ARHGAP18: variants seen among roughly 807,000 people sequenced by gnomAD.
ARHGAP18 encodes rho GTPase-activating protein 18.
A neutral mutation model predicts 86.2 loss-of-function variants in ARHGAP18; 67 were observed. The ratio of observed to expected loss-of-function variants is 0.78; its 90% CI spans 0.64 to 0.95. The LOEUF (loss-of-function observed/expected upper bound fraction) is 0.95, where lower values mean the gene tolerates loss of function less well. Among genes scored for constraint, ARHGAP18 ranks in the 40% least tolerant of loss-of-function variants. The pLI is 0.00. For missense variants in ARHGAP18, 691 were observed against 780.4 expected (o/e 0.89, Z 1.37); for synonymous variants, 283 against 280.4 (o/e 1.01, Z -0.09).
At chr6:129,677,565 G>A (rs1774258413) in intron 1 of ARHGAP18, among the ~76,000 whole-genome samples, 1 of 152,178 alleles carries the variant, frequency 6.6e-6, no homozygotes, top group African/African-American at 2.4e-5. Context: ...GAAGAAATGA[G>A]ACACTGTTTT....
chr6:129,637,912 T>C (rs962865502), intron 3 of ARHGAP18, among the ~76,000 whole-genome samples: 5 of 152,216 alleles, frequency 3.3e-5, no homozygotes, highest in Non-Finnish European at 5.9e-5. Flanking sequence ...AAAGGAGAAG[T>C]TACTTCATGT....
At chr6:129,649,375 GA>G (rs1773653475) in intron 1 of ARHGAP18, among the ~76,000 whole-genome samples, 1 of 152,002 alleles carries the variant, frequency 6.6e-6, no homozygotes, top group Non-Finnish European at 1.5e-5. Flanking sequence ...CCAACAGGGC[GA>G]AACCTCGTCT....
Position 129,597,894 on chromosome 6 carries a change from CT to C in ARHGAP18, c.1713+1321del, listed in dbSNP as rs375911952. On this transcript the variant is annotated intron_variant, in intron 12 of 14. Transcript: ENST00000368149. ...AAAGTGCAAACTAAAGAAGTTAATG[CT>C]TTTTTTTCCATAAATGACAAAATTA... Among the ~76,000 whole-genome samples the C allele has an allele frequency of 2.1e-3, 316 of 152,032 alleles. 2 individuals are homozygous for C. The highest frequency in any genetic ancestry group is 5.9e-3 in the African/African-American group (245 of 41,498).
chr6:129,641,504 A>C (rs1338164854), intron 2 of ARHGAP18, among the ~76,000 whole-genome samples: 2 of 152,216 alleles, frequency 1.3e-5, no homozygotes, highest in Non-Finnish European at 2.9e-5. Context: ...TGTGGCTACC[A>C]CATCACAGAA....
chr6:129,625,928 A>T (rs1464127596), intron 5 of ARHGAP18, among the ~76,000 whole-genome samples: 1 of 99,798 alleles, frequency 1.0e-5, no homozygotes, highest in Admixed American at 1.7e-4. Flanking sequence ...ATAGATATTT[A>T]TATATTATAT....
intron 7 of ARHGAP18, among the ~76,000 whole-genome samples, chr6:129,615,421 A>G (rs1789076071): frequency 6.6e-6 from 1 of 152,234 alleles, no homozygotes; most frequent in Non-Finnish European, 1.5e-5. Flanking sequence ...GTAAGACGGA[A>G]TTAATTGACT....
At chr6:129,699,569 T>C (rs1774677377) in intron 1 of ARHGAP18, among the ~76,000 whole-genome samples, 1 of 152,230 alleles carries the variant, frequency 6.6e-6, no homozygotes, top group Non-Finnish European at 1.5e-5. Context: ...TAAATGCTGT[T>C]TTAAGTTTTC....
chr6:129,661,531 CTA>C (rs1424172854), intron 1 of ARHGAP18, among the ~76,000 whole-genome samples: 1 of 128,204 alleles, frequency 7.8e-6, no homozygotes, highest in African/African-American at 2.9e-5. Context: ...AAAAAAGACA[CTA>C]TTTGCTGGGG....
chr6:129,703,346 AAAT>A (rs1297515862), intron 1 of ARHGAP18, among the ~76,000 whole-genome samples: 1 of 152,242 alleles, frequency 6.6e-6, no homozygotes, highest in African/African-American at 2.4e-5. Context: ...GAAGTATGAT[AAAT>A]AATAACAGAA....
chr6:129,653,286 A>C (rs183026732), intron 1 of ARHGAP18, among the ~76,000 whole-genome samples: 2 of 152,318 alleles, frequency 1.3e-5, no homozygotes, highest in East Asian at 3.9e-4. Flanking sequence ...TTATAAAGTA[A>C]TGTTGGTAAA....
chr6:129,607,474 G>C (rs959889711), intron 9 of ARHGAP18, among the ~76,000 whole-genome samples: 3 of 152,144 alleles, frequency 2.0e-5, no homozygotes, highest in African/African-American at 7.2e-5. Flanking sequence ...GAAATGCTCA[G>C]AGACCCTACC....
chr6:129,616,174 T>A, intron 7 of ARHGAP18, 38 bp downstream of exon 7: 1 of 1,469,478 alleles, frequency 6.8e-7, no homozygotes, highest in Non-Finnish European at 9.3e-7. Flanking sequence ...TTAGCTTAAG[T>A]ATGTTCTCTC....
At chr6:129,584,337 T>A (rs1317643068) in intron 12 of ARHGAP18, among the ~76,000 whole-genome samples, 1 of 152,220 alleles carries the variant, frequency 6.6e-6, no homozygotes, top group East Asian at 1.9e-4. Context: ...CTTAATTATT[T>A]TTAAAGATGT....
intron 1 of ARHGAP18, among the ~76,000 whole-genome samples, chr6:129,662,213 G>A (rs1216514913): frequency 2.0e-5 from 3 of 152,362 alleles, no homozygotes; most frequent in Admixed American, 2.0e-4. Flanking sequence ...GCTCTTTTAT[G>A]TGGGAGGATA....
At chr6:129,691,598 T>C (rs1774530094) in intron 1 of ARHGAP18, among the ~76,000 whole-genome samples, 1 of 152,158 alleles carries the variant, frequency 6.6e-6, no homozygotes, top group African/African-American at 2.4e-5. Context: ...CATTCTGTAT[T>C]CGAGCGCTAT....
At chr6:129,656,318 G>C (rs1198252001) in intron 1 of ARHGAP18, among the ~76,000 whole-genome samples, 2 of 152,180 alleles carry the variant, frequency 1.3e-5, no homozygotes, top group African/African-American at 4.8e-5. Context: ...ACATAGGCAA[G>C]GACAAGATGC....
Position 129,625,150 on chromosome 6 carries a change from T to G in ARHGAP18, c.786+4203A>C, listed in dbSNP as rs1326437763. Among the ~76,000 whole-genome samples the G allele has an allele frequency of 2.8e-3, 10 of 3,618 alleles. 1 individual carries two copies. Among genetic ancestry groups the G allele is most frequent in the African/African-American group, 9.3e-3 (6 of 644 alleles). 2.4% of individuals were successfully genotyped at this position (3,618 alleles called of 152,430 possible). ...ATTATATATGATATATATTATATATTATATAGATATATATTATATATGATA... is the reference window on the plus strand; with the variant it reads ...ATTATATATGATATATATTATATATGATATAGATATATATTATATATGATA... On this transcript the variant is annotated intron_variant, in intron 5 of 14. Transcript: ENST00000368149.
chr6:129,684,037 C>T (rs1265085265), intron 1 of ARHGAP18, among the ~76,000 whole-genome samples: 2 of 152,140 alleles, frequency 1.3e-5, no homozygotes, highest in Non-Finnish European at 2.9e-5. Flanking sequence ...AAATAAAGTA[C>T]AGATCTGAAA....
intron 1 of ARHGAP18, among the ~76,000 whole-genome samples, chr6:129,690,069 C>T (rs1005744031): frequency 2.6e-5 from 4 of 151,726 alleles, no homozygotes; most frequent in African/African-American, 7.3e-5. Context: ...CCAAACAGTC[C>T]GTTTATAATG....
Sources: gnomAD v4.1 joint callset for allele counts (sites outside exome capture counted in the v4.1 genomes callset) on GRCh38, gnomAD v4.1.1 for gene constraint, MANE v1.5 for transcripts, NCBI Gene and HGNC (gene_info 2026-07-23, HGNC 2026-07-21) for gene names.